Variants in STXBP4 observed in about 807,000 individuals in gnomAD.
STXBP4 encodes syntaxin-binding protein 4.
STXBP4 carries 55 observed loss-of-function variants against 76.1 expected under a neutral mutation model. The ratio of observed to expected loss-of-function variants is 0.72; its 90% CI spans 0.58 to 0.91. The LOEUF is 0.91. STXBP4 is among the 40% of genes least tolerant of loss of function. The pLI, the probability that STXBP4 is intolerant of heterozygous loss-of-function variation, is 0.00. For synonymous variants in STXBP4, 201 were observed against 220.2 expected (o/e 0.91, Z 0.77); for missense variants, 618 against 636.9 (o/e 0.97, Z 0.32).
chr17:55,189,334 A>G, the STXBP4 span, among the ~76,000 whole-genome samples: 1 of 152,240 alleles, frequency 6.6e-6, no homozygotes, highest in Admixed American at 6.5e-5. Context: ...ACTTTATAAA[A>G]TGTGTGACTT....
the STXBP4 span, among the ~76,000 whole-genome samples, chr17:55,205,059 GA>G: frequency 6.6e-6 from 1 of 152,096 alleles, no homozygotes; most frequent in Non-Finnish European, 1.5e-5. Context: ...GGCCAGAAGT[GA>G]AATTCCACTA....
In STXBP4 at chr17:55,166,225, A is replaced by T. The variant is rs1475686662; in HGVS notation, c.*6314A>T. ...ATTAAAAAAAGGAATACATCCTAGA[A>T]CATTTCTTAAATATATTCCCTTTTC... On this transcript the variant is annotated 3_prime_UTR_variant, in exon 18 of 18. Coordinates refer to ENST00000376352, the MANE Select transcript of STXBP4 (RefSeq NM_178509.6). The T allele has an allele frequency of 6.6e-6, 1 of 152,200 alleles. No individual in the cohort carries two copies. The highest frequency in any genetic ancestry group is 1.5e-5 in the Non-Finnish European group (1 of 68,038). 9.4% of individuals were successfully genotyped at this position (152,200 alleles called of 1,614,324 possible).
Position 55,159,923 on chromosome 17 carries a change from A to T in STXBP4, c.*12A>T, listed in dbSNP as rs758703101. ...ACCAGAAAAGTTGATGGTTTTCCTT[A>T]GGAAGTGGAGCTACATGGATGATGT... On this transcript the variant is annotated 3_prime_UTR_variant, in exon 18 of 18. Coordinates refer to ENST00000376352, the MANE Select transcript of STXBP4 (RefSeq NM_178509.6). 19 of 1,540,536 alleles carry T rather than the reference A, an allele frequency of 1.2e-5. No homozygotes were observed. The highest frequency in any genetic ancestry group is 1.7e-5 in the Non-Finnish European group (19 of 1,113,284).
intron 12 of STXBP4, among the ~76,000 whole-genome samples, chr17:55,067,792 A>G (rs1295174087): frequency 1.3e-5 from 2 of 152,160 alleles, no homozygotes; most frequent in African/African-American, 4.8e-5. Context: ...TCAGTAATAC[A>G]GTGGTTAGAA....
At chr17:55,150,936 C>T (rs188709901) in intron 17 of STXBP4, among the ~76,000 whole-genome samples, 6 of 152,206 alleles carry the variant, frequency 3.9e-5, no homozygotes, top group African/African-American at 7.2e-5. Context: ...GGTCCAATCA[C>T]GTGACTCCTT....
At chr17:55,144,693 G>A (rs1444718769) in intron 17 of STXBP4, among the ~76,000 whole-genome samples, 4 of 152,202 alleles carry the variant, frequency 2.6e-5, no homozygotes, top group Admixed American at 2.0e-4. Context: ...GGTTCTGCAG[G>A]AGTGCTTATG....
intron 7 of STXBP4, among the ~76,000 whole-genome samples, chr17:55,004,938 T>C (rs1258115714): frequency 6.6e-6 from 1 of 152,280 alleles, no homozygotes; most frequent in Non-Finnish European, 1.5e-5. Context: ...GGAAAACTTC[T>C]ATGAGGGGCT....
At chr17:54,993,309 G>A (rs1168647658) in intron 4 of STXBP4, among the ~76,000 whole-genome samples, 5 of 152,180 alleles carry the variant, frequency 3.3e-5, no homozygotes, top group Admixed American at 3.3e-4. Context: ...AAACAGGCAA[G>A]ATAGAAAAAG....
intron 13 of STXBP4, among the ~76,000 whole-genome samples, chr17:55,075,355 T>G (rs2079168850): frequency 6.6e-6 from 1 of 152,118 alleles, no homozygotes; most frequent in Non-Finnish European, 1.5e-5. Flanking sequence ...CTATTTGAAG[T>G]TTTTAGCTAG....
At chr17:55,183,477 G>A in the STXBP4 span, among the ~76,000 whole-genome samples, 2 of 152,092 alleles carry the variant, frequency 1.3e-5, no homozygotes. Flanking sequence ...ACATACATTG[G>A]TTGGCATAAG....
downstream of STXBP4, among the ~76,000 whole-genome samples, chr17:55,176,884 G>GT (rs2145222800): frequency 6.6e-6 from 1 of 152,100 alleles, no homozygotes; most frequent in East Asian, 1.9e-4. Context: ...ATATTTCCTG[G>GT]TTTTGGGGCC....
intron 17 of STXBP4, among the ~76,000 whole-genome samples, chr17:55,148,751 C>CT (rs2080184165): frequency 6.6e-6 from 1 of 152,058 alleles, no homozygotes; most frequent in African/African-American, 2.4e-5. Flanking sequence ...CTAGACTGGT[C>CT]TTGAAATCCT....
intron 17 of STXBP4, among the ~76,000 whole-genome samples, chr17:55,146,224 A>G (rs2080151647): frequency 2.0e-5 from 3 of 152,186 alleles, no homozygotes; most frequent in Admixed American, 2.0e-4. Flanking sequence ...TACTGTGATT[A>G]TCATACTTAT....
At chr17:55,174,240 T>A (rs1363661710), downstream of STXBP4, among the ~76,000 whole-genome samples, 1 of 152,236 alleles carries the variant, frequency 6.6e-6, no homozygotes, top group South Asian at 2.1e-4. Context: ...TTATTCTGCC[T>A]GCTTATCTTT....
chr17:55,175,814 A>G (rs1265111337), downstream of STXBP4, among the ~76,000 whole-genome samples: 3 of 152,174 alleles, frequency 2.0e-5, no homozygotes, highest in Non-Finnish European at 4.4e-5. Context: ...GGCCATCCCA[A>G]TCTCACTCCC....
At chr17:55,095,349 A>G (rs1175469631) in intron 16 of STXBP4, among the ~76,000 whole-genome samples, 2 of 152,216 alleles carry the variant, frequency 1.3e-5, no homozygotes, top group Admixed American at 6.5e-5. Flanking sequence ...CTATAACTGG[A>G]CAAACAAAAT....
chr17:55,113,698 G>A (rs540085258), intron 16 of STXBP4, among the ~76,000 whole-genome samples: 5 of 151,970 alleles, frequency 3.3e-5, no homozygotes, highest in South Asian at 2.1e-4. Flanking sequence ...TGAATAAGCC[G>A]GAAAAACTGC....
At chr17:55,158,809 G>A (rs532680882) in intron 17 of STXBP4, among the ~76,000 whole-genome samples, 1 of 152,260 alleles carries the variant, frequency 6.6e-6, no homozygotes, top group South Asian at 2.1e-4. Context: ...GAAATAGGAA[G>A]GCCTAAAAAT....
chr17:55,124,821 G>A (rs771343112), intron 16 of STXBP4, among the ~76,000 whole-genome samples: 5 of 152,128 alleles, frequency 3.3e-5, no homozygotes, highest in Non-Finnish European at 5.9e-5. Context: ...AGCTTCATTC[G>A]AGATCTCTTC....
Sources: gnomAD v4.1 joint callset for allele counts (sites outside exome capture counted in the v4.1 genomes callset) on GRCh38, gnomAD v4.1.1 for gene constraint, MANE v1.5 for transcripts, NCBI Gene and HGNC (gene_info 2026-07-23, HGNC 2026-07-21) for gene names.